The following CTRB1 variants were observed in gnomAD, a reference collection of about 807,000 sequenced individuals.
CTRB1 encodes chymotrypsinogen B1, also known as chymotrypsinogen B.
Under a neutral mutation model 20.4 loss-of-function variants are expected in CTRB1, and 15 were observed. The observed-to-expected ratio is 0.74, with a 90% CI of 0.49 to 1.13. The LOEUF is 1.13. Among genes scored for constraint, CTRB1 ranks in the 50% most tolerant of loss-of-function variants. The pLI, the probability that CTRB1 is intolerant of heterozygous loss-of-function variation, is 0.00. For synonymous variants in CTRB1, 92 were observed against 128.4 expected (o/e 0.72, Z 1.92); for missense variants, 227 against 290.1 (o/e 0.78, Z 1.58).
At chr16:75,219,088 C>T (rs1302108024) in intron 1 of CTRB1, 29 bp downstream of exon 1, 2 of 1,570,026 alleles carry the variant, frequency 1.3e-6, no homozygotes, top group Non-Finnish European at 1.7e-6. Flanking sequence ...GGGGTCTGTC[C>T]TGAGGGAGCC....
rs370012563 is a variant in CTRB1, at chr16:75,224,194, G to A, written c.630+6G>A. On this transcript the variant is annotated splice_donor_region_variant and intron_variant, in intron 6 of 6. Coordinates refer to ENST00000361017, the MANE Select transcript of CTRB1 (RefSeq NM_001906.6). ...GTGGCGTCTCCTCCTGCATGGTGAG[G>A]CTGGCCCTGCCCAGGCCCTGGCCAG... 3.8e-4 allele frequency: 553 copies of A among 1,441,256 alleles called. 1 individual carries two copies. The African/African-American group carries it at 5.4e-3, about 14-fold the overall frequency. 89.3% of individuals were successfully genotyped at this position (1,441,256 alleles called of 1,614,324 possible). A position where few individuals can be genotyped will look rare whatever the true frequency, so the allele number is the denominator to read the frequency against.
At position 75,224,787 on chromosome 16, in the gene CTRB1, G is replaced by A. The variant is rs769488161; in HGVS notation, c.713G>A (p.Cys238Tyr). Reference sequence around the variant, plus strand: ...ATTGTGTCCTGGGGCAGCGACACCTGCTCCACCTCCAGCCCTGGCGTGTAC... The same window carrying A: ...ATTGTGTCCTGGGGCAGCGACACCTACTCCACCTCCAGCCCTGGCGTGTAC... ...VGIVSWGSDT[C>Y]STSSPGVYAR... Residue 238 changes from cysteine to tyrosine, a missense_variant, in exon 7 of 7, where the codon TGC becomes TAC. Around this residue, in one of 4 missense-constraint regions of CTRB1, gnomAD observed 108 missense variants for 76.9 expected, o/e 1.41. Coordinates refer to ENST00000361017, the MANE Select transcript of CTRB1 (RefSeq NM_001906.6). The A allele has an allele frequency of 1.2e-6, 2 of 1,613,976 alleles. No individual in the cohort carries two copies. The highest frequency in any genetic ancestry group is 2.2e-5 in the South Asian group (2 of 91,090).
rs546658561 is a variant in CTRB1, at chr16:75,222,048, A to G, written c.53-720A>G. ...TGTACTCCAGCCTGGGCAACAGAGC[A>G]AGACTGTCTCAAAAAGAAAAAAAAA... On this transcript the variant is annotated intron_variant, in intron 1 of 6. Coordinates refer to ENST00000361017, the MANE Select transcript of CTRB1 (RefSeq NM_001906.6). 2.7e-4 allele frequency among the ~76,000 whole-genome samples: 37 copies of G among 138,850 alleles called. No homozygotes were observed. In the East Asian group the frequency reaches 8.2e-3, roughly 31 times the overall value. 91.1% of individuals were successfully genotyped at this position (138,850 alleles called of 152,430 possible). A position where few individuals can be genotyped will look rare whatever the true frequency, so the allele number is the denominator to read the frequency against.
chr16:75,219,461 C>T (rs556637788), intron 1 of CTRB1, among the ~76,000 whole-genome samples: 1 of 151,894 alleles, frequency 6.6e-6, no homozygotes, highest in African/African-American at 2.4e-5. Context: ...GTGCAATCTC[C>T]ACTTACTGCA....
chr16:75,224,358 T>G (rs1184705766), intron 6 of CTRB1, among the ~76,000 whole-genome samples, 170 bp downstream of exon 6: 1 of 152,206 alleles, frequency 6.6e-6, no homozygotes, highest in Non-Finnish European at 1.5e-5. Context: ...CTTGGAGTTG[T>G]GCAGTGCACA....
chr16:75,224,576 G>A lies in CTRB1; in HGVS notation c.631-129G>A, dbSNP rs140146685. 563 of 1,123,586 alleles carry A rather than the reference G, an allele frequency of 5.0e-4. 1 individual carries two copies. The African/African-American group carries it at 7.9e-3, about 16-fold the overall frequency. 69.6% of individuals were successfully genotyped at this position (1,123,586 alleles called of 1,614,324 possible). On this transcript the variant is annotated intron_variant, in intron 6 of 6. Transcript: ENST00000361017. ...GCTACTAGGGTCTTTCATAACCCAC[G>A]CAACAGCACATGCTGAGCCTTTGCT...
chr16:75,224,591 G>A (rs2076719404), intron 6 of CTRB1, 114 bp from the exon 7 acceptor site: 1 of 1,230,014 alleles, frequency 8.1e-7, no homozygotes, highest in Non-Finnish European at 1.1e-6. Flanking sequence ...AGCACATGCT[G>A]AGCCTTTGCT....
At chr16:75,219,967 G>A (rs570130411) in intron 1 of CTRB1, among the ~76,000 whole-genome samples, 33 of 152,140 alleles carry the variant, frequency 2.2e-4, no homozygotes, top group Middle Eastern at 3.4e-3. Flanking sequence ...TCAATGGAAC[G>A]GTATTCTATC....
chr16:75,222,312 T>G (rs2039098729), intron 1 of CTRB1, among the ~76,000 whole-genome samples: 1 of 152,080 alleles, frequency 6.6e-6, no homozygotes, highest in Non-Finnish European at 1.5e-5. Context: ...GTTATCAGAT[T>G]TTCTTCCCAC....
At chr16:75,222,169 A>AAG (rs1308739163) in intron 1 of CTRB1, among the ~76,000 whole-genome samples, 1 of 151,504 alleles carries the variant, frequency 6.6e-6, no homozygotes, top group East Asian at 1.9e-4. Flanking sequence ...TGGAAAAAAA[A>AAG]AAAAGAGAAA....
rs1483998608 is a variant in CTRB1, at chr16:75,219,013, T to A, written c.6T>A (p.Ala2=). ...ACACCTTCTGAGGCAGCGGCATGGCTTCCCTCTGGCTCCTCTCCTGCTTCT... is the reference window on the plus strand; with the variant it reads ...ACACCTTCTGAGGCAGCGGCATGGCATCCCTCTGGCTCCTCTCCTGCTTCT... M[A]SLWLLSCFSL... Residue 2 remains alanine, a synonymous_variant, in exon 1 of 7, where the codon GCT becomes GCA. Transcript: ENST00000361017. 1 of 1,588,868 alleles carries A rather than the reference T, an allele frequency of 6.3e-7. No individual in the cohort carries two copies. Among genetic ancestry groups the A allele is most frequent in the South Asian group, 1.1e-5 (1 of 87,282 alleles).
chr16:75,223,757 A>C, intron 5 of CTRB1, 129 bp downstream of exon 5: 4 of 253,258 alleles, frequency 1.6e-5, no homozygotes, highest in Non-Finnish European at 2.0e-5. Flanking sequence ...CTGAATTTAA[A>C]ATCCCCCAAA....
intron 1 of CTRB1, among the ~76,000 whole-genome samples, chr16:75,221,348 G>C (rs2039080950): frequency 6.6e-6 from 1 of 152,024 alleles, no homozygotes; most frequent in Non-Finnish European, 1.5e-5. Context: ...TGGAAGTAAA[G>C]TCCAGCTGTG....
Position 75,222,008 on chromosome 16 carries a change from C to G in CTRB1, c.53-760C>G, listed in dbSNP as rs896747054. The stretch of plus-strand genomic sequence containing the variant: ...CCCAGGAGGCGGAGCTTGCAGTGAG[C>G]CAAGATTGTGCCACTGTACTCCAGC... On this transcript the variant is annotated intron_variant, in intron 1 of 6. Transcript: ENST00000361017. 1.8e-4 allele frequency among the ~76,000 whole-genome samples: 27 copies of G among 147,732 alleles called. 2 individuals are homozygous for G. Among genetic ancestry groups the G allele is most frequent in the Non-Finnish European group, 1.9e-4 (13 of 67,540 alleles).
chr16:75,222,812 A>C lies in CTRB1; in HGVS notation c.97A>C (p.Arg33=). The change falls in exon 2 of 7, where the codon AGG becomes CGG. Residue 33 remains arginine (R), a synonymous_variant. Coordinates refer to ENST00000361017, the MANE Select transcript of CTRB1 (RefSeq NM_001906.6). ...CCACCCTGTGCTCAGCGGCCTGTCC[A>C]GGATCGTGAATGGGGAGGACGCCGT... ...AIHPVLSGLS[R]IVNGEDAVPG... is the part of the protein sequence containing the mutation. 1 of 1,549,126 alleles carries C rather than the reference A, an allele frequency of 6.5e-7. No homozygotes were observed. Among genetic ancestry groups the C allele is most frequent in the African/African-American group, 1.4e-5 (1 of 73,180 alleles).
At chr16:75,222,020 C>T (rs560965171) in intron 1 of CTRB1, among the ~76,000 whole-genome samples, 70 of 142,558 alleles carry the variant, frequency 4.9e-4, no homozygotes, top group Admixed American at 1.4e-3. Context: ...AAGATTGTGC[C>T]ACTGTACTCC....
intron 1 of CTRB1, 123 bp downstream of exon 1, chr16:75,219,182 G>GGA (rs2151373674): frequency 2.0e-6 from 2 of 1,003,626 alleles, no homozygotes; most frequent in South Asian, 3.1e-5. Context: ...TGAGGGCTCA[G>GGA]GAGAGGGTGC....
intron 1 of CTRB1, among the ~76,000 whole-genome samples, chr16:75,220,047 A>G (rs1266150797): frequency 1.3e-5 from 2 of 152,238 alleles, no homozygotes; most frequent in African/African-American, 4.8e-5. Context: ...GCTGGAGTGC[A>G]GTAGTGTGAG....
At position 75,224,810 on chromosome 16, in the gene CTRB1, T is replaced by C. The variant is rs761676792; in HGVS notation, c.736T>C (p.Tyr246His). Residue 246 changes from tyrosine to histidine, a missense_variant, in exon 7 of 7, where the codon TAC becomes CAC. Tyr to His is a moderately conservative substitution (Grantham distance 83). This residue lies in a region of CTRB1 where 108 missense variants were observed against 76.9 expected (regional missense o/e 1.41). Transcript: ENST00000361017. ...DTCSTSSPGV[Y>H]ARVTKLIPWV... is the part of the protein sequence containing the mutation. ...CTGCTCCACCTCCAGCCCTGGCGTG[T>C]ACGCCCGTGTCACCAAGCTCATACC... 3.7e-6 allele frequency: 6 copies of C among 1,614,000 alleles called. No individual in the cohort carries two copies. Among genetic ancestry groups the C allele is most frequent in the South Asian group, 3.3e-5 (3 of 91,088 alleles).
Sources: gnomAD v4.1 joint callset for allele counts (sites outside exome capture counted in the v4.1 genomes callset) on GRCh38, gnomAD v4.1.1 for gene constraint, gnomAD v4.1.1 regional missense constraint, MANE v1.5 for transcripts, NCBI Gene and HGNC (gene_info 2026-07-23, HGNC 2026-07-21) for gene names.